RRBP1: variants seen among roughly 807,000 people sequenced by gnomAD.
The protein encoded by RRBP1 is ribosome-binding protein 1.
In RRBP1, 94 loss-of-function variants were observed where a neutral mutation model predicts 165.2. The ratio of observed to expected loss-of-function variants is 0.57; its 90% CI spans 0.48 to 0.68. The LOEUF (loss-of-function observed/expected upper bound fraction) is 0.68, where lower values mean the gene tolerates loss of function less well. RRBP1 is among the 30% of genes least tolerant of loss of function. The pLI is 0.00. For missense variants in RRBP1, 1,676 were observed against 1,763.0 expected, an observed-to-expected ratio of 0.95 and a Z score of 0.88; for synonymous variants, 680 against 714.5, an observed-to-expected ratio of 0.95 and a Z score of 0.77.
chr20:17,623,117 C>A (rs2035948022), intron 13 of RRBP1: 1 of 152,254 alleles, frequency 6.6e-6, no homozygotes, highest in South Asian at 2.1e-4. Context: ...GGATGTGTGA[C>A]CACAATCAAG....
intron 3 of RRBP1, among the ~76,000 whole-genome samples, chr20:17,653,561 C>T (rs917589769): frequency 3.9e-5 from 6 of 152,328 alleles, no homozygotes; most frequent in Non-Finnish European, 5.9e-5. Flanking sequence ...CCTGGCCAGG[C>T]GCGGTGGCTC....
chr20:17,625,103 C>T (rs777968226), intron 12 of RRBP1, among the ~76,000 whole-genome samples: 5 of 151,718 alleles, frequency 3.3e-5, no homozygotes, highest in South Asian at 4.3e-4. Flanking sequence ...CCAGCAAGCC[C>T]GGCTCTGTGA....
intron 12 of RRBP1, among the ~76,000 whole-genome samples, chr20:17,625,018 G>A (rs1224588895): frequency 6.6e-6 from 1 of 152,200 alleles, no homozygotes; most frequent in African/African-American, 2.4e-5. Flanking sequence ...AGCTCTGGCA[G>A]AGCCTGGCAC....
Position 17,642,990 on chromosome 20 carries a change from T to C in RRBP1, c.2050A>G (p.Thr684Ala). ...GAGGGTGGGCCCACCTTGTGCCAGG[T>C]GTCCTGAATGATGCCAGCCTTCTCA... ...LSEKAGIIQD[T>A]WHKATQKGDP... The change falls in exon 4 of 25, where the codon ACC (threonine) becomes GCC (alanine). Residue 684 changes from threonine (T) to alanine (A), a missense_variant. Coordinates refer to ENST00000377813, the MANE Select transcript of RRBP1 (RefSeq NM_001365613.2). 1.2e-6 allele frequency: 2 copies of C among 1,613,638 alleles called. No individual in the cohort carries two copies. The highest frequency in any genetic ancestry group is 1.7e-6 in the Non-Finnish European group (2 of 1,179,778).
chr20:17,667,548 A>G (rs114493307), intron 2 of RRBP1, among the ~76,000 whole-genome samples: 1 of 152,292 alleles, frequency 6.6e-6, no homozygotes, highest in African/African-American at 2.4e-5. Context: ...ATGCTAACAC[A>G]TCTTCCTAAC....
intron 11 of RRBP1, among the ~76,000 whole-genome samples, chr20:17,626,495 TGA>T (rs2036023287): frequency 6.6e-6 from 1 of 152,178 alleles, no homozygotes; most frequent in Non-Finnish European, 1.5e-5. Flanking sequence ...CTGCCTCTGC[TGA>T]GAGGCACACA....
At chr20:17,620,023 G>A (rs2035879013) in intron 18 of RRBP1, among the ~76,000 whole-genome samples, 1 of 152,172 alleles carries the variant, frequency 6.6e-6, no homozygotes, top group African/African-American at 2.4e-5. Context: ...GGGCAGTGGG[G>A]CCACCTTGAC....
chr20:17,649,012 A>T (rs1284195356), intron 3 of RRBP1, among the ~76,000 whole-genome samples: 1 of 152,244 alleles, frequency 6.6e-6, no homozygotes, highest in African/African-American at 2.4e-5. Flanking sequence ...GTGGCTGAAA[A>T]GAGATTTCTG....
rs1466949485 is a variant in RRBP1, at chr20:17,615,414, C to T, written c.4050+17G>A. On this transcript the variant is annotated intron_variant, in intron 23 of 24. Transcript: ENST00000377813. Reference sequence around the variant, plus strand: ...GCAGACCCTCCAGGTGTGACCCCCGCCCCAGCCCCTGCCTGCCTTCAGCTG... The same window carrying T: ...GCAGACCCTCCAGGTGTGACCCCCGTCCCAGCCCCTGCCTGCCTTCAGCTG... 2 of 1,598,352 alleles carry T rather than the reference C, an allele frequency of 1.3e-6. No homozygotes were observed. Among genetic ancestry groups the T allele is most frequent in the Non-Finnish European group, 1.7e-6 (2 of 1,170,738 alleles).
intron 3 of RRBP1, among the ~76,000 whole-genome samples, chr20:17,648,185 G>T (rs1057275129): frequency 6.6e-6 from 1 of 152,130 alleles, no homozygotes. Flanking sequence ...ACGCTCTCTA[G>T]GGAGGAGCTC....
intron 24 of RRBP1, 30 bp from the exon 25 acceptor site, chr20:17,614,250 G>C (rs1399394301): frequency 1.2e-6 from 2 of 1,610,132 alleles, no homozygotes; most frequent in Non-Finnish European, 1.7e-6. Context: ...GCGTGAGGGG[G>C]GCTGGGCCAC....
intron 2 of RRBP1, among the ~76,000 whole-genome samples, chr20:17,672,826 C>T (rs1037967309): frequency 6.6e-6 from 1 of 152,184 alleles, no homozygotes; most frequent in Non-Finnish European, 1.5e-5. Context: ...ACTACAATTA[C>T]CCCAACAACC....
At chr20:17,676,861 C>T (rs151089971) in intron 2 of RRBP1, among the ~76,000 whole-genome samples, 3 of 152,282 alleles carry the variant, frequency 2.0e-5, no homozygotes, top group African/African-American at 7.2e-5. Context: ...GATTCTCCTG[C>T]TTCAGCCACC....
intron 9 of RRBP1, among the ~76,000 whole-genome samples, chr20:17,629,298 G>A (rs1203804709): frequency 6.6e-6 from 1 of 152,216 alleles, no homozygotes; most frequent in Non-Finnish European, 1.5e-5. Context: ...CTTTCTCCAG[G>A]GGCTCTCGGC....
intron 17 of RRBP1, 80 bp downstream of exon 17, chr20:17,620,635 G>A (rs773499078): frequency 9.2e-7 from 1 of 1,092,134 alleles, no homozygotes; most frequent in Non-Finnish European, 1.4e-6. Flanking sequence ...AGTCTCACAG[G>A]TGACAGAGAC....
chr20:17,653,943 T>C (rs1195106187), intron 3 of RRBP1, among the ~76,000 whole-genome samples: 1 of 151,790 alleles, frequency 6.6e-6, no homozygotes, highest in Admixed American at 6.6e-5. Context: ...GATGGGGACA[T>C]TAATATCAGA....
intron 12 of RRBP1, 35 bp from the exon 13 acceptor site, chr20:17,624,703 C>T (rs1344684618): frequency 2.1e-6 from 3 of 1,442,998 alleles, no homozygotes; most frequent in Non-Finnish European, 1.9e-6. Flanking sequence ...CAGCAGCCTG[C>T]ACTGGCAGCA....
chr20:17,679,578 G>C (rs895880340), intron 2 of RRBP1, among the ~76,000 whole-genome samples: 1 of 152,164 alleles, frequency 6.6e-6, no homozygotes, highest in Non-Finnish European at 1.5e-5. Flanking sequence ...TTTAAAAGGT[G>C]TCCCTGCTAC....
chr20:17,663,965 A>G (rs1184060042), intron 2 of RRBP1, among the ~76,000 whole-genome samples: 1 of 152,208 alleles, frequency 6.6e-6, no homozygotes, highest in Non-Finnish European at 1.5e-5. Flanking sequence ...ATCCTCTGGG[A>G]AACTTCCCAA....
Sources: allele counts gnomAD v4.1 joint callset (sites outside exome capture counted in the v4.1 genomes callset), GRCh38; gene constraint gnomAD v4.1.1; transcripts MANE v1.5; gene names NCBI Gene and HGNC (gene_info 2026-07-23, HGNC 2026-07-21).